The following NCR3LG1 variants were observed in gnomAD, a reference collection of about 807,000 sequenced individuals.
NCR3LG1 encodes the protein natural cytotoxicity triggering receptor 3 ligand 1.
In NCR3LG1, 35 loss-of-function variants were observed where a neutral mutation model predicts 34.8. The observed-to-expected ratio is 1.01, with a 90% CI of 0.77 to 1.33. NCR3LG1 has a LOEUF of 1.33. Ranked by LOEUF, NCR3LG1 falls within the 40% of genes most tolerant of loss-of-function variation. The pLI, the probability that NCR3LG1 is intolerant of heterozygous loss-of-function variation, is 0.00. For missense variants in NCR3LG1, 452 were observed against 423.3 expected, an observed-to-expected ratio of 1.07 and a Z score of -0.60; for synonymous variants, 173 against 163.6, an observed-to-expected ratio of 1.06 and a Z score of -0.44.
In NCR3LG1 at chr11:17,375,602, C is replaced by T. The variant is rs566478147; in HGVS notation, c.*3090C>T. 2 of 152,336 alleles carry T rather than the reference C, an allele frequency of 1.3e-5. No homozygotes were observed. Among genetic ancestry groups the T allele is most frequent in the African/African-American group, 2.4e-5 (1 of 41,566 alleles). 9.4% of individuals were successfully genotyped at this position (152,336 alleles called of 1,614,324 possible). A position where few individuals can be genotyped will look rare whatever the true frequency, so the allele number is the denominator to read the frequency against. On this transcript the variant is annotated 3_prime_UTR_variant, in exon 5 of 5. Coordinates refer to ENST00000338965, the MANE Select transcript of NCR3LG1 (RefSeq NM_001202439.3). ...ATCTGAAAGGAAAGGCACTTCCTCA[C>T]CGCTAATGGGTCTTGCATTAAATAC... is the stretch of plus-strand genomic sequence containing the variant.
intron 4 of NCR3LG1, among the ~76,000 whole-genome samples, chr11:17,371,258 T>C (rs928962856): frequency 6.6e-6 from 1 of 152,132 alleles, no homozygotes; most frequent in Non-Finnish European, 1.5e-5. Flanking sequence ...TCAGAGTTTT[T>C]TCCTAACATT....
At chr11:17,358,313 C>G (rs1463615888) in intron 2 of NCR3LG1, among the ~76,000 whole-genome samples, 2 of 152,164 alleles carry the variant, frequency 1.3e-5, no homozygotes, top group African/African-American at 4.8e-5. Flanking sequence ...CTCCTTTTTG[C>G]TGTGACAATT....
intron 4 of NCR3LG1, among the ~76,000 whole-genome samples, chr11:17,371,415 A>G (rs1024312996): frequency 1.4e-4 from 21 of 152,190 alleles, no homozygotes; most frequent in Non-Finnish European, 2.1e-4. Context: ...ATTTGTAAGC[A>G]TAAAAACTCC....
At position 17,372,448 on chromosome 11, in the gene NCR3LG1, C is replaced by G. The variant is rs1203353559; in HGVS notation, c.1301C>G (p.Ala434Gly). The G allele has an allele frequency of 1.4e-6, 1 of 703,284 alleles. No individual in the cohort carries two copies. The highest frequency in any genetic ancestry group is 1.7e-5 in the African/African-American group (1 of 57,232). The allele number at this position is 703,284 out of a possible 1,614,324, so 43.6% of individuals were successfully genotyped here. The part of the protein sequence containing the change: ...PVSPIWEPPP[A>G]TTSTTPVLSS... ...TCCCCTATCTGGGAACCTCCTCCAG[C>G]CACAACATCAACAACTCCAGTTCTA... The change falls in exon 5 of 5, where the codon GCC becomes GGC. Residue 434 changes from alanine (A) to glycine (G), a missense_variant. Transcript: ENST00000338965.
At position 17,356,140 on chromosome 11, in the gene NCR3LG1, T is replaced by C. The variant is rs112583762; in HGVS notation, c.71-511T>C. 7.7e-4 allele frequency among the ~76,000 whole-genome samples: 110 copies of C among 142,206 alleles called. 2 individuals are homozygous for C. The highest frequency in any genetic ancestry group is 1.6e-3 in the East Asian group (8 of 5,016). 93.3% of individuals were successfully genotyped at this position (142,206 alleles called of 152,430 possible). A position where few individuals can be genotyped will look rare whatever the true frequency, so the allele number is the denominator to read the frequency against. On this transcript the variant is annotated intron_variant, in intron 1 of 4. Transcript: ENST00000338965. Reference sequence around the variant, plus strand: ...TTTCTTTTCTTTTCTTTCTTTCTTTTTTTTTTTTTTTTTTTGAGACAGAGT... The same window carrying C: ...TTTCTTTTCTTTTCTTTCTTTCTTTCTTTTTTTTTTTTTTTGAGACAGAGT...
chr11:17,369,978 A>T (rs763942146), intron 4 of NCR3LG1, among the ~76,000 whole-genome samples: 2 of 152,208 alleles, frequency 1.3e-5, no homozygotes, highest in Non-Finnish European at 1.5e-5. Context: ...TGCCTAAAAC[A>T]TGCCCACAGC....
chr11:17,378,474 TTCCTC>T (rs1953495024), downstream of NCR3LG1, among the ~76,000 whole-genome samples: 1 of 152,168 alleles, frequency 6.6e-6, no homozygotes, highest in Non-Finnish European at 1.5e-5. Flanking sequence ...CTCAAATTGT[TTCCTC>T]TCACTTAGAG....
At chr11:17,362,357 A>T (rs898195529) in intron 2 of NCR3LG1, among the ~76,000 whole-genome samples, 2 of 152,106 alleles carry the variant, frequency 1.3e-5, no homozygotes, top group Non-Finnish European at 2.9e-5. Context: ...GTATTGTTGG[A>T]TTATATTTGC....
chr11:17,357,847 C>T (rs372693968), intron 2 of NCR3LG1, among the ~76,000 whole-genome samples: 2 of 152,022 alleles, frequency 1.3e-5, no homozygotes, highest in African/African-American at 2.4e-5. Flanking sequence ...GCTAGGACCT[C>T]GGTTGCATGC....
chr11:17,358,489 C>T (rs762990640), intron 2 of NCR3LG1, among the ~76,000 whole-genome samples: 2 of 152,144 alleles, frequency 1.3e-5, no homozygotes, highest in Non-Finnish European at 2.9e-5. Flanking sequence ...ATTTTCATCA[C>T]ATCAAATCAC....
At position 17,373,638 on chromosome 11, in the gene NCR3LG1, C is replaced by T. The variant is rs562204471; in HGVS notation, c.*1126C>T. 27 of 152,358 alleles carry T rather than the reference C, an allele frequency of 1.8e-4. No individual in the cohort carries two copies. Among genetic ancestry groups the T allele is most frequent in the African/African-American group, 6.3e-4 (26 of 41,588 alleles). The allele number at this position is 152,358 out of a possible 1,614,324, so 9.4% of individuals were successfully genotyped here. ...ACTGGAGCCAGGCTTCTGTTTTCCT[C>T]TCCAATTCAGGCCTTCGTTCCTCCC... On this transcript the variant is annotated 3_prime_UTR_variant, in exon 5 of 5. Transcript: ENST00000338965.
Position 17,360,969 on chromosome 11 carries a change from C to T in NCR3LG1, c.421+3968C>T, listed in dbSNP as rs184892297. ...CAGGCTGGTCTGGAACTTCTGAGCT[C>T]GAGTGATCTCCCCCGTCTCAGCCTC... On this transcript the variant is annotated intron_variant, in intron 2 of 4. Transcript: ENST00000338965. 2.7e-3 allele frequency among the ~76,000 whole-genome samples: 412 copies of T among 152,026 alleles called. 3 individuals are homozygous for T. Among genetic ancestry groups the T allele is most frequent in the African/African-American group, 9.0e-3 (374 of 41,476 alleles).
chr11:17,354,545 CTTTTTTTTTTTTTTT>C (rs71047545), intron 1 of NCR3LG1, among the ~76,000 whole-genome samples: 5 of 70,334 alleles, frequency 7.1e-5, no homozygotes, highest in South Asian at 5.5e-4. Context: ...AATTCTTCTT[CTTTTTTTTTTTTTTT>C]TTTTTTTTTT....
At chr11:17,377,888 G>T (rs552506145), downstream of NCR3LG1, among the ~76,000 whole-genome samples, 40 of 152,264 alleles carry the variant, frequency 2.6e-4, no homozygotes, top group African/African-American at 9.6e-4. Context: ...TCTCAGATGC[G>T]CTGAACAAAG....
rs1953425122 is a variant in NCR3LG1 at position 17,372,627 on chromosome 11, C to G, written c.*115C>G. 1.7e-6 allele frequency: 1 copy of G among 595,624 alleles called. No homozygotes were observed. Among genetic ancestry groups the G allele is most frequent in the African/African-American group, 1.9e-5 (1 of 53,854 alleles). 36.9% of individuals were successfully genotyped at this position (595,624 alleles called of 1,614,324 possible). ...TGATGACCTGATAGATATATAGAGGCTTTCCAAAACCTAACTCAGGTGTTT... is the reference window on the plus strand; with the variant it reads ...TGATGACCTGATAGATATATAGAGGGTTTCCAAAACCTAACTCAGGTGTTT... On this transcript the variant is annotated 3_prime_UTR_variant, in exon 5 of 5. Coordinates refer to ENST00000338965, the MANE Select transcript of NCR3LG1 (RefSeq NM_001202439.3).
intron 2 of NCR3LG1, among the ~76,000 whole-genome samples, chr11:17,363,047 A>T (rs908867753): frequency 1.3e-5 from 2 of 149,594 alleles, no homozygotes; most frequent in African/African-American, 4.9e-5. Context: ...CGGCCTCTGG[A>T]ATAGCTGGGA....
In NCR3LG1 at chr11:17,372,204, G is replaced by A; in HGVS notation, c.1057G>A (p.Val353Ile). 1 of 703,044 alleles carries A rather than the reference G, an allele frequency of 1.4e-6. No homozygotes were observed. 43.6% of individuals were successfully genotyped at this position (703,044 alleles called of 1,614,324 possible). Reference protein sequence around the residue: ...VNINTIQQLDVFCRQEGKWSE... With the variant: ...VNINTIQQLDIFCRQEGKWSE... ...TATTAATACTATTCAACAACTAGAT[G>A]TTTTCTGCAGACAGGAGGGCAAATG... is the stretch of plus-strand genomic sequence containing the variant. The change falls in exon 5 of 5, where the codon GTT becomes ATT. Residue 353 changes from valine to isoleucine, a missense_variant. Physicochemically the swap from Val to Ile is conservative, Grantham distance 29. Coordinates refer to ENST00000338965, the MANE Select transcript of NCR3LG1 (RefSeq NM_001202439.3).
At chr11:17,366,956 TG>T in intron 2 of NCR3LG1, 52 bp from the exon 3 acceptor site, 2 of 1,319,550 alleles carry the variant, frequency 1.5e-6, no homozygotes, top group Non-Finnish European at 2.1e-6. Flanking sequence ...TAAGGTGTGG[TG>T]GGGATAAAAG....
Position 17,367,360 on chromosome 11 carries a change from C to T in NCR3LG1, c.760+13C>T. Reference sequence around the variant, plus strand: ...CACAGTCTTTCTGGTAAGGGTCTTTCTGGACATTTCTTCTCTTCCTTGCCT... The same window carrying T: ...CACAGTCTTTCTGGTAAGGGTCTTTTTGGACATTTCTTCTCTTCCTTGCCT... On this transcript the variant is annotated intron_variant, in intron 3 of 4. Coordinates refer to ENST00000338965, the MANE Select transcript of NCR3LG1 (RefSeq NM_001202439.3). 6.6e-7 allele frequency: 1 copy of T among 1,518,068 alleles called. No individual in the cohort carries two copies. Among genetic ancestry groups the T allele is most frequent in the Non-Finnish European group, 8.8e-7 (1 of 1,134,812 alleles). 94.0% of individuals were successfully genotyped at this position (1,518,068 alleles called of 1,614,324 possible). A position where few individuals can be genotyped will look rare whatever the true frequency, so the allele number is the denominator to read the frequency against.
Sources: gnomAD v4.1 joint callset for allele counts (sites outside exome capture counted in the v4.1 genomes callset) on GRCh38, gnomAD v4.1.1 for gene constraint, MANE v1.5 for transcripts, NCBI Gene and HGNC (gene_info 2026-07-23, HGNC 2026-07-21) for gene names.